ERC2: variants seen among roughly 807,000 people sequenced by gnomAD.
ERC2 encodes the protein ELKS/RAB6-interacting/CAST family member 2, also known as ERC protein 2.
ERC2 carries 42 observed loss-of-function variants against 114.8 expected under a neutral mutation model. The ratio of observed to expected loss-of-function variants is 0.37; its 90% confidence interval spans 0.29 to 0.47. The LOEUF is 0.47. ERC2 is among the 20% of genes least tolerant of loss of function. The pLI, the probability that ERC2 is intolerant of heterozygous loss-of-function variation, is 0.99. For missense variants in ERC2, 939 were observed against 1,150.7 expected (o/e 0.82, Z 2.66); for synonymous variants, 454 against 425.5 (o/e 1.07, Z -0.82).
At chr3:55,797,927 A>G (rs1377200916) in intron 14 of ERC2, among the ~76,000 whole-genome samples, 1 of 152,214 alleles carries the variant, frequency 6.6e-6, no homozygotes, top group Admixed American at 6.5e-5. Context: ...ATAATTGTTA[A>G]CCTAAAATAA....
intron 3 of ERC2, among the ~76,000 whole-genome samples, chr3:56,284,802 G>A (rs1007017573): frequency 6.6e-6 from 1 of 151,860 alleles, no homozygotes; most frequent in African/African-American, 2.4e-5. Context: ...CTTCCCATGT[G>A]GTATATCAGA....
intron 17 of ERC2, among the ~76,000 whole-genome samples, chr3:55,664,626 G>C (rs935345176): frequency 6.6e-6 from 1 of 152,116 alleles, no homozygotes; most frequent in African/African-American, 2.4e-5. Context: ...CTTACATCCT[G>C]CTTTGTCTCT....
chr3:55,867,434 T>C (rs1432946070), intron 14 of ERC2, among the ~76,000 whole-genome samples: 1 of 152,160 alleles, frequency 6.6e-6, no homozygotes, highest in Non-Finnish European at 1.5e-5. Flanking sequence ...GTTCTAGTCA[T>C]CCGTAGTGAC....
intron 17 of ERC2, among the ~76,000 whole-genome samples, chr3:55,548,903 C>T (rs751559573): frequency 6.6e-6 from 1 of 152,138 alleles, no homozygotes; most frequent in Non-Finnish European, 1.5e-5. Context: ...TGGAGATCTC[C>T]AGCAGCCAGA....
intron 17 of ERC2, among the ~76,000 whole-genome samples, chr3:55,595,651 G>A (rs1345522074): frequency 6.6e-6 from 1 of 152,180 alleles, no homozygotes; most frequent in East Asian, 1.9e-4. Context: ...TAATGAAAAT[G>A]TCAGTGTTTT....
At chr3:55,989,389 G>C (rs2070880437) in intron 11 of ERC2, among the ~76,000 whole-genome samples, 2 of 152,194 alleles carry the variant, frequency 1.3e-5, no homozygotes, top group South Asian at 4.1e-4. Context: ...ATAGTAGCTT[G>C]TCCTGATTTT....
intron 3 of ERC2, among the ~76,000 whole-genome samples, chr3:56,273,182 C>G (rs115299929): frequency 0.02 from 3,032 of 151,864 alleles, 55 homozygotes; most frequent in Non-Finnish European, 0.03. Flanking sequence ...TTGGGAAGTA[C>G]GGCAGCATGA....
intron 2 of ERC2, among the ~76,000 whole-genome samples, chr3:56,366,946 G>A (rs374953502): frequency 5.9e-5 from 9 of 152,194 alleles, no homozygotes; most frequent in South Asian, 4.1e-4. Context: ...TTGGGAGGGC[G>A]CAGATTGCCA....
chr3:55,687,669 C>G (rs1169714812), intron 16 of ERC2, among the ~76,000 whole-genome samples: 1 of 152,120 alleles, frequency 6.6e-6, no homozygotes, highest in African/African-American at 2.4e-5. Flanking sequence ...TCGCCTCCAC[C>G]CCTAATTCAT....
chr3:55,537,658 T>G (rs2054086775), intron 17 of ERC2, among the ~76,000 whole-genome samples: 1 of 152,188 alleles, frequency 6.6e-6, no homozygotes, highest in Non-Finnish European at 1.5e-5. Flanking sequence ...AGCTTTCCAC[T>G]CTTTCAGATA....
chr3:56,244,804 A>G (rs1220540852), intron 3 of ERC2, among the ~76,000 whole-genome samples: 1 of 152,140 alleles, frequency 6.6e-6, no homozygotes, highest in Non-Finnish European at 1.5e-5. Context: ...CTTCACATTC[A>G]CTCACCACTC....
At chr3:55,587,157 C>G (rs541281822) in intron 17 of ERC2, among the ~76,000 whole-genome samples, 2 of 151,982 alleles carry the variant, frequency 1.3e-5, no homozygotes, top group East Asian at 1.9e-4. Flanking sequence ...CTTCCTTTTT[C>G]TTTTCTTTCT....
At chr3:55,889,497 G>T (rs993084674) in intron 13 of ERC2, among the ~76,000 whole-genome samples, 3 of 152,092 alleles carry the variant, frequency 2.0e-5, no homozygotes, top group Non-Finnish European at 4.4e-5. Flanking sequence ...TTTCAGCCAG[G>T]TCCCAAAAAA....
intron 17 of ERC2, among the ~76,000 whole-genome samples, chr3:55,672,515 CTCTATAAAA>C (rs1383781335): frequency 6.6e-6 from 1 of 152,098 alleles, no homozygotes; most frequent in Non-Finnish European, 1.5e-5. Flanking sequence ...CCTTTTCTTA[CTCTATAAAA>C]TGGGCATGGT....
At chr3:56,411,548 C>T (rs2107115766) in intron 2 of ERC2, among the ~76,000 whole-genome samples, 1 of 152,168 alleles carries the variant, frequency 6.6e-6, no homozygotes, top group African/African-American at 2.4e-5. Flanking sequence ...AAATTCATTC[C>T]TCTGTTAAAG....
At chr3:55,734,953 A>C in intron 14 of ERC2, 35 bp from the exon 15 acceptor site, 1 of 1,490,696 alleles carries the variant, frequency 6.7e-7, no homozygotes, top group Non-Finnish European at 8.9e-7. Context: ...TCATTTTTGT[A>C]AAATAAAAAA....
chr3:56,282,608 G>A (rs2054421748), intron 3 of ERC2, among the ~76,000 whole-genome samples: 1 of 152,048 alleles, frequency 6.6e-6, no homozygotes, highest in South Asian at 2.1e-4. Context: ...TCATAGAGTT[G>A]TTCTGAGGAG....
chr3:56,404,033 T>G (rs1451323964), intron 2 of ERC2, among the ~76,000 whole-genome samples: 1 of 152,232 alleles, frequency 6.6e-6, no homozygotes, highest in Non-Finnish European at 1.5e-5. Context: ...ATCAGCAGGT[T>G]CCTTGGGCCT....
intron 4 of ERC2, among the ~76,000 whole-genome samples, chr3:56,171,814 G>GT (rs1362672932): frequency 1.4e-5 from 2 of 145,758 alleles, no homozygotes; most frequent in Non-Finnish European, 3.0e-5. Flanking sequence ...TGTTTCTCCT[G>GT]TTTTTTCCAA....
Sources: gnomAD v4.1 joint callset for allele counts (sites outside exome capture counted in the v4.1 genomes callset) on GRCh38, gnomAD v4.1.1 for gene constraint, MANE v1.5 for transcripts, NCBI Gene and HGNC (gene_info 2026-07-23, HGNC 2026-07-21) for gene names.